Variants in ADARB2 observed in about 807,000 individuals in gnomAD.
ADARB2 encodes the protein inactive double-stranded RNA-specific editase B2.
A neutral mutation model predicts 62.2 loss-of-function variants in ADARB2; 25 were observed. That is an observed-to-expected ratio of 0.40 (90% confidence interval 0.29 to 0.56). The LOEUF (loss-of-function observed/expected upper bound fraction) is 0.56. ADARB2 is among the 20% of genes least tolerant of loss of function. ADARB2 has a pLI of 0.43. For missense variants in ADARB2, 1,071 were observed against 1,077.4 expected, an observed-to-expected ratio of 0.99 and a Z score of 0.08; for synonymous variants, 572 against 500.8, an observed-to-expected ratio of 1.14 and a Z score of -1.90.
chr10:1,532,404 C>T (rs908276317), intron 1 of ADARB2, among the ~76,000 whole-genome samples: 3 of 152,220 alleles, frequency 2.0e-5, no homozygotes, highest in Admixed American at 6.5e-5. Context: ...ATCTTCATGA[C>T]ACCTGGCTCC....
At chr10:1,528,934 T>C (rs1374544505) in intron 1 of ADARB2, among the ~76,000 whole-genome samples, 2 of 152,052 alleles carry the variant, frequency 1.3e-5, no homozygotes, top group African/African-American at 4.8e-5. Context: ...GTCTGTCCCT[T>C]CCTAGGTTCC....
intron 1 of ADARB2, among the ~76,000 whole-genome samples, chr10:1,472,017 C>T (rs1413522337): frequency 6.6e-6 from 1 of 152,072 alleles, no homozygotes; most frequent in Non-Finnish European, 1.5e-5. Context: ...TAATTCAATC[C>T]ACACTATACC....
intron 1 of ADARB2, among the ~76,000 whole-genome samples, chr10:1,682,795 C>A (rs1456623003): frequency 6.6e-6 from 1 of 152,112 alleles, no homozygotes; most frequent in African/African-American, 2.4e-5. Context: ...TTTACAGAAA[C>A]AGAATAATAT....
intron 3 of ADARB2, among the ~76,000 whole-genome samples, chr10:1,273,923 C>T (rs1033278604): frequency 2.6e-5 from 4 of 152,158 alleles, no homozygotes; most frequent in East Asian, 3.9e-4. Context: ...GCCCGGGGCT[C>T]GTGGGTTGCC....
chr10:1,396,584 C>T (rs933379351), intron 1 of ADARB2, among the ~76,000 whole-genome samples: 7 of 151,922 alleles, frequency 4.6e-5, no homozygotes, highest in Non-Finnish European at 1.0e-4. Context: ...TCTCCCCTCC[C>T]GAGTGCAGGC....
chr10:1,448,562 T>C (rs1830998649), intron 1 of ADARB2, among the ~76,000 whole-genome samples: 1 of 152,228 alleles, frequency 6.6e-6, no homozygotes, highest in Admixed American at 6.5e-5. Context: ...TGCTTTCTTA[T>C]GAAAGTTTTC....
At position 1,650,821 on chromosome 10, in the gene ADARB2, G is replaced by A. The variant is rs190336146; in HGVS notation, c.100+86230C>T. On this transcript the variant is annotated intron_variant, in intron 1 of 9. Coordinates refer to ENST00000381312, the MANE Select transcript of ADARB2 (RefSeq NM_018702.4). ...CTCAGCAGTGGGACATTTGCCCCTAGCAGAGGGTCGAGGGACACTGGCAAA... is the reference window on the plus strand; with the variant it reads ...CTCAGCAGTGGGACATTTGCCCCTAACAGAGGGTCGAGGGACACTGGCAAA... Among the ~76,000 whole-genome samples, 162 of 152,304 alleles carry A rather than the reference G, an allele frequency of 1.1e-3. No homozygotes were observed. The Middle Eastern group carries it at 0.014, about 13-fold the overall frequency.
chr10:1,332,667 T>C (rs1831940766), intron 3 of ADARB2, among the ~76,000 whole-genome samples: 1 of 152,166 alleles, frequency 6.6e-6, no homozygotes, highest in Non-Finnish European at 1.5e-5. Flanking sequence ...TGTGCAGGAC[T>C]GGAGACTTCC....
chr10:1,275,560 GGTTA>G (rs1479612341), intron 3 of ADARB2, among the ~76,000 whole-genome samples: 1 of 151,876 alleles, frequency 6.6e-6, no homozygotes, highest in African/African-American at 2.4e-5. Context: ...ACAATGTGCA[GGTTA>G]GTTACATATG....
At chr10:1,419,568 C>T (rs1402643889) in intron 1 of ADARB2, among the ~76,000 whole-genome samples, 4 of 152,318 alleles carry the variant, frequency 2.6e-5, no homozygotes, top group Admixed American at 1.3e-4. Flanking sequence ...TGGGCGGAAC[C>T]GGTACCCAGA....
intron 1 of ADARB2, among the ~76,000 whole-genome samples, chr10:1,402,449 C>T (rs1264573204): frequency 2.0e-5 from 3 of 152,074 alleles, no homozygotes; most frequent in African/African-American, 7.3e-5. Flanking sequence ...GGAATTGGTG[C>T]GTGGTTAGCA....
chr10:1,379,959 A>C (rs1311229792), intron 1 of ADARB2, among the ~76,000 whole-genome samples: 3 of 152,276 alleles, frequency 2.0e-5, no homozygotes, highest in Admixed American at 2.0e-4. Context: ...AGATTAAGGA[A>C]TGGTGGGTTT....
In ADARB2 at chr10:1,737,322, T is replaced by C. The variant is rs1564208825; in HGVS notation, c.-172A>G. On this transcript the variant is annotated 5_prime_UTR_variant, in exon 1 of 10. Coordinates refer to ENST00000381312, the MANE Select transcript of ADARB2 (RefSeq NM_018702.4). ...CGCTCCGTCTCTCTGTCTCTCGAATTGTTCTCTATGACTTGCTCCCACTGG... is the reference window on the plus strand; with the variant it reads ...CGCTCCGTCTCTCTGTCTCTCGAATCGTTCTCTATGACTTGCTCCCACTGG... 4.7e-6 allele frequency: 3 copies of C among 638,954 alleles called. No homozygotes were observed. In the East Asian group the frequency reaches 8.4e-5, roughly 18 times the overall value. 39.6% of individuals were successfully genotyped at this position (638,954 alleles called of 1,614,324 possible).
At chr10:1,600,304 T>G (rs188890161) in intron 1 of ADARB2, among the ~76,000 whole-genome samples, 1 of 152,102 alleles carries the variant, frequency 6.6e-6, no homozygotes, top group African/African-American at 2.4e-5. Context: ...TCCCAGAAAC[T>G]GCTGGCCTTC....
At chr10:1,410,736 T>A (rs943258297) in intron 1 of ADARB2, among the ~76,000 whole-genome samples, 1 of 152,174 alleles carries the variant, frequency 6.6e-6, no homozygotes, top group Non-Finnish European at 1.5e-5. Context: ...GGTCAGCCAG[T>A]CTGTGCTTTG....
rs534018067 is a variant in ADARB2 at position 1,224,260 on chromosome 10, C to T, written c.1514-7141G>A. 3.2e-3 allele frequency among the ~76,000 whole-genome samples: 480 copies of T among 152,082 alleles called. 3 individuals are homozygous for T. Among genetic ancestry groups the T allele is most frequent in the Middle Eastern group, 0.01 (3 of 294 alleles). On this transcript the variant is annotated intron_variant, in intron 6 of 9. Transcript: ENST00000381312. ...ATGGTAGTTTGTATTTCTGTGGGATCGGTGGTGATATCCCCTTTATCATTT... is the reference window on the plus strand; with the variant it reads ...ATGGTAGTTTGTATTTCTGTGGGATTGGTGGTGATATCCCCTTTATCATTT...
At chr10:1,598,975 G>T (rs1160404068) in intron 1 of ADARB2, among the ~76,000 whole-genome samples, 1 of 152,256 alleles carries the variant, frequency 6.6e-6, no homozygotes, top group East Asian at 1.9e-4. Context: ...AGGCGCAGCT[G>T]CCGGTGTGTG....
chr10:1,198,552 T>G (rs565185959), intron 8 of ADARB2, among the ~76,000 whole-genome samples: 2 of 152,350 alleles, frequency 1.3e-5, no homozygotes, highest in East Asian at 3.9e-4. Flanking sequence ...TGCAAAATAA[T>G]GAAAACCAGA....
intron 1 of ADARB2, among the ~76,000 whole-genome samples, chr10:1,608,551 GAGAA>G (rs371179004): frequency 8.8e-5 from 13 of 147,864 alleles, no homozygotes; most frequent in African/African-American, 2.8e-4. Context: ...TGGGAAGGAA[GAGAA>G]AGAAAGACAG....
Sources: allele counts gnomAD v4.1 joint callset (sites outside exome capture counted in the v4.1 genomes callset), GRCh38; gene constraint gnomAD v4.1.1; transcripts MANE v1.5; gene names NCBI Gene and HGNC (gene_info 2026-07-23, HGNC 2026-07-21).